The following TENT4A variants were observed in gnomAD, a reference collection of about 807,000 sequenced individuals.
The protein encoded by TENT4A is terminal nucleotidyltransferase 4A.
TENT4A carries 7 observed loss-of-function variants against 72.8 expected under a neutral mutation model. The observed-to-expected ratio is 0.10, with a 90% CI of 0.05 to 0.18. The LOEUF is 0.18. Among genes scored for constraint, TENT4A ranks in the 10% least tolerant of loss-of-function variants. The pLI is 1.00. For synonymous variants in TENT4A, 456 were observed against 434.3 expected (o/e 1.05, Z -0.62); for missense variants, 831 against 1,017.7 (o/e 0.82, Z 2.50).
intron 1 of TENT4A, among the ~76,000 whole-genome samples, chr5:6,729,939 C>T (rs1399481118): frequency 6.6e-6 from 1 of 152,108 alleles, no homozygotes; most frequent in Non-Finnish European, 1.5e-5. Flanking sequence ...TCATCCTGGT[C>T]TGGTGCCTCA....
At chr5:6,754,667 G>A (rs1025111116) in intron 12 of TENT4A, 84 bp from the exon 13 acceptor site, 8 of 1,067,000 alleles carry the variant, frequency 7.5e-6, no homozygotes, top group African/African-American at 6.4e-5. Flanking sequence ...ACATCACGTC[G>A]GTGCTTAGTG....
chr5:6,725,976 A>G (rs2126608461), intron 1 of TENT4A, among the ~76,000 whole-genome samples: 1 of 152,358 alleles, frequency 6.6e-6, no homozygotes, highest in Admixed American at 6.5e-5. Flanking sequence ...AAGTGCAGCA[A>G]CGTCAGAGTA....
chr5:6,755,219 T>G lies in TENT4A; in HGVS notation c.*274T>G, dbSNP rs1157856915. ...GCTGAGGCAGGTCGGGCTCAGGAAC[T>G]GCAGGGACGTGAACATGCGCTTGCG... On this transcript the variant is annotated 3_prime_UTR_variant, in exon 13 of 13. Transcript: ENST00000230859. 1.8e-5 allele frequency: 6 copies of G among 335,430 alleles called. No homozygotes were observed. The highest frequency in any genetic ancestry group is 3.3e-5 in the Non-Finnish European group (6 of 184,086). The allele number at this position is 335,430 out of a possible 1,614,324, so 20.8% of individuals were successfully genotyped here.
Position 6,755,679 on chromosome 5 carries a change from C to T in TENT4A, c.*734C>T, listed in dbSNP as rs1742655545. ...GGAAGTGAGTGAAGGAGCCAGGTCG[C>T]CCTGAAGGTTTTCCAAAGGGCTTGG... On this transcript the variant is annotated 3_prime_UTR_variant, in exon 13 of 13. Transcript: ENST00000230859. 6.6e-6 allele frequency: 1 copy of T among 152,358 alleles called. No homozygotes were observed. Among genetic ancestry groups the T allele is most frequent in the Admixed American group, 6.5e-5 (1 of 15,282 alleles). 9.4% of individuals were successfully genotyped at this position (152,358 alleles called of 1,614,324 possible).
intron 6 of TENT4A, among the ~76,000 whole-genome samples, chr5:6,744,260 A>G (rs1254436802): frequency 6.6e-6 from 1 of 152,266 alleles, no homozygotes; most frequent in Non-Finnish European, 1.5e-5. Flanking sequence ...AGACTGATGA[A>G]ACATCATTAT....
chr5:6,726,182 G>A (rs780474763), intron 1 of TENT4A, among the ~76,000 whole-genome samples: 1 of 152,160 alleles, frequency 6.6e-6, no homozygotes, highest in Non-Finnish European at 1.5e-5. Context: ...TTGCCAGTGT[G>A]GATTTATTAA....
At position 6,738,663 on chromosome 5, in the gene TENT4A, G is replaced by C. The variant is rs184764265; in HGVS notation, c.841-20G>C. ...CTTGGTTTGTGGTATACATTTTAAG[G>C]CAACCACTCTTTCTTTCAGGTACAG... On this transcript the variant is annotated intron_variant, in intron 2 of 12. Coordinates refer to ENST00000230859, the MANE Select transcript of TENT4A (RefSeq NM_006999.6). 7.1e-4 allele frequency: 1,144 copies of C among 1,602,372 alleles called. 6 individuals are homozygous for C. In the African/African-American group the frequency reaches 0.014, roughly 19 times the overall value.
At chr5:6,720,683 T>TA (rs1221298130) in intron 1 of TENT4A, among the ~76,000 whole-genome samples, 3 of 126,156 alleles carry the variant, frequency 2.4e-5, no homozygotes, top group Non-Finnish European at 5.2e-5. Context: ...TCAAAATAAA[T>TA]AAATAAATAA....
intron 1 of TENT4A, 106 bp from the exon 2 acceptor site, chr5:6,737,404 T>A: frequency 9.7e-7 from 1 of 1,026,582 alleles, no homozygotes; most frequent in Non-Finnish European, 1.4e-6. Flanking sequence ...GAAACTGAAT[T>A]TCGTGGCCAG....
intron 2 of TENT4A, among the ~76,000 whole-genome samples, 164 bp from the exon 3 acceptor site, chr5:6,738,519 G>A (rs1269741172): frequency 1.3e-5 from 2 of 152,180 alleles, no homozygotes; most frequent in Non-Finnish European, 2.9e-5. Context: ...TTAACTTAAA[G>A]GGAATTTTCT....
Position 6,756,582 on chromosome 5 carries a change from G to A in TENT4A, c.*1637G>A, listed in dbSNP as rs550128982. ...ACTCTGTCATTGGGAGCTGTCAGCT[G>A]CGACTGCAGGTTCTCTAGGAGGCAT... On this transcript the variant is annotated 3_prime_UTR_variant, in exon 13 of 13. Transcript: ENST00000230859. 1 of 152,576 alleles carries A rather than the reference G, an allele frequency of 6.6e-6. No homozygotes were observed. Among genetic ancestry groups the A allele is most frequent in the Non-Finnish European group, 1.5e-5 (1 of 68,040 alleles). The allele number at this position is 152,576 out of a possible 1,614,324, so 9.5% of individuals were successfully genotyped here. A position where few individuals can be genotyped will look rare whatever the true frequency, so the allele number is the denominator to read the frequency against.
rs1466691680 is a variant in TENT4A, at chr5:6,720,590, C to T, written c.716+5891C>T. On this transcript the variant is annotated intron_variant, in intron 1 of 12. Transcript: ENST00000230859. ...ACTCGGGAGGCAGAGGCAGGAGAAT[C>T]CTTTGAACTGGAGAGTTGGAGGTTG... is the stretch of plus-strand genomic sequence containing the variant. Among the ~76,000 whole-genome samples the T allele has an allele frequency of 4.0e-5, 6 of 151,854 alleles. No individual in the cohort carries two copies. The East Asian group carries it at 1.2e-3, about 29-fold the overall frequency.
chr5:6,742,897 C>G (rs1193218099), intron 5 of TENT4A, among the ~76,000 whole-genome samples: 1 of 152,150 alleles, frequency 6.6e-6, no homozygotes, highest in African/African-American at 2.4e-5. Context: ...GTGCCTCATT[C>G]GCAGGTTTTA....
At position 6,720,675 on chromosome 5, in the gene TENT4A, AAAATAAATAAATAAAT is replaced by A. The variant is rs141500932; in HGVS notation, c.716+6008_716+6023del. ...TGGTGACAGAGCGAGACTCTGTCTC[AAAATAAATAAATAAAT>A]AAATAAATAAATAAATAAATAAATA... On this transcript the variant is annotated intron_variant, in intron 1 of 12. Transcript: ENST00000230859. Among the ~76,000 whole-genome samples the A allele has an allele frequency of 8.2e-4, 115 of 140,196 alleles. 1 individual carries two copies. Among genetic ancestry groups the A allele is most frequent in the Middle Eastern group, 3.6e-3 (1 of 278 alleles). The allele number at this position is 140,196 out of a possible 152,430, so 92.0% of individuals were successfully genotyped here.
chr5:6,754,884 G>T lies in TENT4A; in HGVS notation c.2318G>T (p.Gly773Val). The T allele has an allele frequency of 6.2e-7, 1 of 1,606,542 alleles. No individual in the cohort carries two copies. Among genetic ancestry groups the T allele is most frequent in the South Asian group, 1.1e-5 (1 of 90,734 alleles). Reference protein sequence around the residue: ...NRGHHQYNRTGWRRKKHTHTR... With the variant: ...NRGHHQYNRTVWRRKKHTHTR... ...GGACACCACCAGTATAACCGCACCG[G>T]CTGGAGGAGGAAAAAACACACACAC... Residue 773 changes from glycine (G) to valine (V), a missense_variant, in exon 13 of 13, where the codon GGC (glycine) becomes GTC (valine). Coordinates refer to ENST00000230859, the MANE Select transcript of TENT4A (RefSeq NM_006999.6).
chr5:6,732,777 T>C (rs1315414004), intron 1 of TENT4A, among the ~76,000 whole-genome samples: 1 of 152,214 alleles, frequency 6.6e-6, no homozygotes, highest in Non-Finnish European at 1.5e-5. Context: ...TTTCTTAAGA[T>C]AACTAGGAAA....
At chr5:6,727,901 C>T (rs771095719) in intron 1 of TENT4A, among the ~76,000 whole-genome samples, 1 of 152,148 alleles carries the variant, frequency 6.6e-6, no homozygotes, top group Non-Finnish European at 1.5e-5. Context: ...AGCTGCAGAC[C>T]ACGAATCCCA....
chr5:6,717,061 G>A (rs1740423463), intron 1 of TENT4A, among the ~76,000 whole-genome samples: 1 of 152,238 alleles, frequency 6.6e-6, no homozygotes, highest in Non-Finnish European at 1.5e-5. Flanking sequence ...AGTTGGGCCT[G>A]TGGCTAGAGG....
chr5:6,723,312 C>T (rs1740750289), intron 1 of TENT4A, among the ~76,000 whole-genome samples: 1 of 132,820 alleles, frequency 7.5e-6, no homozygotes, highest in South Asian at 2.5e-4. Context: ...TGATAGGTCT[C>T]AGCATTTTTG....
Sources: gnomAD v4.1 joint callset for allele counts (sites outside exome capture counted in the v4.1 genomes callset) on GRCh38, gnomAD v4.1.1 for gene constraint, MANE v1.5 for transcripts, NCBI Gene and HGNC (gene_info 2026-07-23, HGNC 2026-07-21) for gene names.